TENM1: variants seen among roughly 807,000 people sequenced by gnomAD.
The protein encoded by TENM1 is teneurin-1.
In TENM1, 35 loss-of-function variants were observed where a neutral mutation model predicts 174.8. The ratio of observed to expected loss-of-function variants is 0.20; its 90% confidence interval spans 0.15 to 0.27. The LOEUF is 0.27. Among genes scored for constraint, TENM1 ranks in the 10% least tolerant of loss-of-function variants. The pLI is 1.00. For synonymous variants in TENM1, 781 were observed against 798.7 expected (o/e 0.98, Z 0.37); for missense variants, 1,633 against 2,130.1 (o/e 0.77, Z 4.59).
chrX:124,624,846 G>A (rs2050599820), intron 11 of TENM1, among the ~76,000 whole-genome samples: 1 of 112,270 alleles, frequency 8.9e-6, no homozygotes, highest in South Asian at 3.7e-4. Context: ...TGATGAGTAT[G>A]GGTTTTAGCA....
At chrX:124,522,111 C>A (rs1433561832) in intron 17 of TENM1, among the ~76,000 whole-genome samples, 1 of 111,885 alleles carries the variant, frequency 8.9e-6, no homozygotes, top group Non-Finnish European at 1.9e-5. Context: ...GCATACCAAT[C>A]AAATGTACTC....
chrX:124,672,902 T>C (rs1328230205), intron 5 of TENM1, among the ~76,000 whole-genome samples: 1 of 111,883 alleles, frequency 8.9e-6, no homozygotes, highest in Non-Finnish European at 1.9e-5. Context: ...AAAAAAAGGT[T>C]TGGAAGAATA....
chrX:124,741,221 C>A (rs532774187), intron 3 of TENM1, among the ~76,000 whole-genome samples: 3 of 111,511 alleles, frequency 2.7e-5, no homozygotes, highest in Non-Finnish European at 5.7e-5. Flanking sequence ...CAAGAAGAAA[C>A]GTGTCACGCA....
At chrX:124,382,537 T>G in intron 31 of TENM1, 133 bp downstream of exon 34, 1 of 594,995 alleles carries the variant, frequency 1.7e-6, no homozygotes, top group Non-Finnish European at 2.5e-6. Flanking sequence ...ACCTTCTCAT[T>G]AATTGTGCAC....
At chrX:124,762,654 C>G in intron 3 of TENM1, among the ~76,000 whole-genome samples, 1 of 111,336 alleles carries the variant, frequency 9.0e-6, no homozygotes, top group Non-Finnish European at 1.9e-5. Flanking sequence ...AAATAGCATT[C>G]CATTTATATA....
chrX:124,819,244 A>G (rs1157044517), intron 3 of TENM1, among the ~76,000 whole-genome samples: 4 of 111,695 alleles, frequency 3.6e-5, no homozygotes, highest in South Asian at 3.8e-4. Context: ...TAAGTCCTAA[A>G]TTTAAAAATA....
chrX:124,535,923 C>T (rs2048196017), intron 15 of TENM1, among the ~76,000 whole-genome samples: 1 of 112,107 alleles, frequency 8.9e-6, no homozygotes. Context: ...TAGAAGCCAA[C>T]ACTCTGGATT....
chrX:125,130,381 A>C, the TENM1 span, among the ~76,000 whole-genome samples: 1 of 111,177 alleles, frequency 9.0e-6, no homozygotes, highest in African/African-American at 3.3e-5. Flanking sequence ...AGAGCAAAAT[A>C]CTAGTAAATC....
the TENM1 span, among the ~76,000 whole-genome samples, chrX:125,081,507 TA>T: frequency 9.0e-6 from 1 of 110,752 alleles, no homozygotes; most frequent in Non-Finnish European, 1.9e-5. Flanking sequence ...GTTACTAAGA[TA>T]AAAAAGCTTG....
the TENM1 span, among the ~76,000 whole-genome samples, chrX:125,015,593 C>G: frequency 9.0e-6 from 1 of 111,480 alleles, no homozygotes; most frequent in African/African-American, 3.3e-5. Context: ...GGATAATGTA[C>G]ATGCATTAGT....
chrX:124,668,954 C>T (rs1163754725), intron 6 of TENM1, among the ~76,000 whole-genome samples: 1 of 111,589 alleles, frequency 9.0e-6, no homozygotes, highest in African/African-American at 3.3e-5. Flanking sequence ...AGAGAGAAAA[C>T]ACTTCGATCT....
intron 7 of TENM1, among the ~76,000 whole-genome samples, chrX:124,652,538 A>G (rs2051335643): frequency 8.9e-6 from 1 of 112,427 alleles, no homozygotes; most frequent in South Asian, 3.7e-4. Flanking sequence ...AAAAACAGAA[A>G]GAAATCTTGT....
the TENM1 span, among the ~76,000 whole-genome samples, chrX:125,187,418 A>T: frequency 8.9e-6 from 1 of 112,031 alleles, no homozygotes; most frequent in African/African-American, 3.2e-5. Context: ...TATCAGAGAT[A>T]TATACAGAGA....
At chrX:125,044,021 G>A in the TENM1 span, among the ~76,000 whole-genome samples, 1 of 30,140 alleles carries the variant, frequency 3.3e-5, no homozygotes, top group Non-Finnish European at 5.5e-5. Context: ...TGGTGGGGTC[G>A]GGGGAGGGGG....
chrX:124,619,603 T>C (rs979800388), intron 11 of TENM1, among the ~76,000 whole-genome samples: 46 of 112,086 alleles, frequency 4.1e-4, no homozygotes, highest in Admixed American at 3.7e-3. Flanking sequence ...TGAGGCTATA[T>C]GTATTTTAAG....
chrX:124,788,393 A>G (rs748291210), intron 3 of TENM1, among the ~76,000 whole-genome samples: 27 of 111,331 alleles, frequency 2.4e-4, no homozygotes, highest in African/African-American at 7.8e-4. Flanking sequence ...TTCAAAACCA[A>G]TCATGCCTTC....
In TENM1 at chrX:124,762,305, T is replaced by C. The variant is rs756342619; in HGVS notation, c.536-25108A>G. The stretch of plus-strand genomic sequence containing the variant: ...AATTTGGGGGACACAATTCCATACA[T>C]AGCACCAACTCATCTAGATAATGTA... On this transcript the variant is annotated intron_variant, in intron 3 of 31. Transcript: ENST00000422452. 2.7e-5 allele frequency among the ~76,000 whole-genome samples: 3 copies of C among 112,293 alleles called. No homozygotes were observed. In the South Asian group the frequency reaches 1.1e-3, roughly 41 times the overall value.
At chrX:124,931,516 C>T (rs934632686) in intron 1 of TENM1, among the ~76,000 whole-genome samples, 2 of 111,099 alleles carry the variant, frequency 1.8e-5, no homozygotes, top group African/African-American at 6.6e-5. Flanking sequence ...CAGCAGAAAA[C>T]GCCCAAGAAA....
At position 124,520,489 on chromosome X, in the gene TENM1, C is replaced by A; in HGVS notation, c.3301+28G>T. 3 of 1,155,363 alleles carry A rather than the reference C, an allele frequency of 2.6e-6. No homozygotes were observed. The Middle Eastern group carries it at 7.2e-4, about 278-fold the overall frequency. On this transcript the variant is annotated intron_variant, in intron 18 of 31. Coordinates refer to ENST00000422452, the Ensembl canonical transcript of TENM1. ...TTTCTGTTCTGTGCATGTAATACTG[C>A]TATTTACATATAATTAGTTCAACAT...
Sources: gnomAD v4.1 joint callset for allele counts (sites outside exome capture counted in the v4.1 genomes callset) on GRCh38, gnomAD v4.1.1 for gene constraint, MANE v1.5 for transcripts, NCBI Gene and HGNC (gene_info 2026-07-23, HGNC 2026-07-21) for gene names.